The following PLEKHG1 variants were observed in gnomAD, a reference collection of about 807,000 sequenced individuals.
The protein encoded by PLEKHG1 is pleckstrin homology and RhoGEF domain containing G1.
PLEKHG1 carries 44 observed loss-of-function variants against 100.8 expected under a neutral mutation model. That is an observed-to-expected ratio of 0.44 (90% CI 0.34 to 0.56). PLEKHG1 has a LOEUF of 0.56. Among genes scored for constraint, PLEKHG1 ranks in the 20% least tolerant of loss-of-function variants. The probability of loss-of-function intolerance (pLI) is 0.01; values close to 1 mark genes in which losing one functional copy is unlikely to be tolerated. For synonymous variants in PLEKHG1, 640 were observed against 662.5 expected (o/e 0.97, Z 0.52); for missense variants, 1,545 against 1,720.9 (o/e 0.90, Z 1.81).
At chr6:150,736,206 C>T (rs1583028688) in intron 2 of PLEKHG1, among the ~76,000 whole-genome samples, 1 of 152,300 alleles carries the variant, frequency 6.6e-6, no homozygotes, top group South Asian at 2.1e-4. Flanking sequence ...TTTGACCCAA[C>T]GGCCACAGTT....
At chr6:150,808,419 G>T (rs1236695883) in intron 7 of PLEKHG1, among the ~76,000 whole-genome samples, 1 of 151,900 alleles carries the variant, frequency 6.6e-6, no homozygotes, top group Non-Finnish European at 1.5e-5. Flanking sequence ...AGCTCTGAAG[G>T]AGTTTTTTTT....
At chr6:150,826,989 C>A (rs1776646015) in intron 14 of PLEKHG1, among the ~76,000 whole-genome samples, 1 of 150,462 alleles carries the variant, frequency 6.6e-6, no homozygotes, top group Non-Finnish European at 1.5e-5. Context: ...CCTTTCCTTT[C>A]CCTTTCTTTC....
chr6:150,739,484 A>G (rs9322282), intron 2 of PLEKHG1, among the ~76,000 whole-genome samples: 79,793 of 151,622 alleles, frequency 0.53, 23,088 homozygotes, highest in Non-Finnish European at 0.65. Flanking sequence ...CCAGGCCAAC[A>G]TGGTGAAACT....
At chr6:150,680,007 G>A (rs1460702174) in intron 3 of PLEKHG1, among the ~76,000 whole-genome samples, 1 of 152,170 alleles carries the variant, frequency 6.6e-6, no homozygotes, top group Non-Finnish European at 1.5e-5. Context: ...AGGGGGCCAG[G>A]ATGGGAACAT....
At chr6:150,776,237 A>C (rs1034113858) in intron 3 of PLEKHG1, among the ~76,000 whole-genome samples, 12 of 152,266 alleles carry the variant, frequency 7.9e-5, no homozygotes, top group African/African-American at 2.4e-5. Flanking sequence ...AAAAGAAGAA[A>C]ATATTTAAAA....
At chr6:150,829,590 C>T (rs1431686096) in intron 14 of PLEKHG1, among the ~76,000 whole-genome samples, 1 of 152,140 alleles carries the variant, frequency 6.6e-6, no homozygotes, top group African/African-American at 2.4e-5. Flanking sequence ...GGGACCCAGG[C>T]TGCATTCCAG....
chr6:150,697,799 A>G (rs1780606148), intron 3 of PLEKHG1, among the ~76,000 whole-genome samples: 1 of 152,248 alleles, frequency 6.6e-6, no homozygotes, highest in Admixed American at 6.5e-5. Flanking sequence ...CAGCTTTCTT[A>G]CAGTGAGGAA....
At chr6:150,645,200 G>A (rs904912525) in intron 2 of PLEKHG1, among the ~76,000 whole-genome samples, 3 of 152,094 alleles carry the variant, frequency 2.0e-5, no homozygotes, top group Non-Finnish European at 1.5e-5. Flanking sequence ...ATGTAACAGA[G>A]GTGCATTGCA....
chr6:150,774,404 TTTTACTC>T (rs754872211), intron 3 of PLEKHG1, among the ~76,000 whole-genome samples: 3 of 152,086 alleles, frequency 2.0e-5, no homozygotes, highest in Non-Finnish European at 4.4e-5. Context: ...TAGCATATGA[TTTTACTC>T]TTTCTATTCA....
chr6:150,777,577 C>T (rs572411608), intron 3 of PLEKHG1, among the ~76,000 whole-genome samples: 20 of 148,102 alleles, frequency 1.4e-4, no homozygotes, highest in East Asian at 8.0e-4. Context: ...TGTACATGTG[C>T]GGTTGCACAT....
At chr6:150,645,354 G>A (rs763608581) in intron 2 of PLEKHG1, among the ~76,000 whole-genome samples, 7 of 152,130 alleles carry the variant, frequency 4.6e-5, no homozygotes, top group Non-Finnish European at 1.0e-4. Context: ...ATTACAAAGT[G>A]TTTAAAAGAA....
At chr6:150,674,684 C>CA (rs1562427910) in intron 3 of PLEKHG1, among the ~76,000 whole-genome samples, 7 of 73,360 alleles carry the variant, frequency 9.5e-5, no homozygotes, top group Non-Finnish European at 1.6e-4. Context: ...TCTCTCTCTC[C>CA]CCCCTCTTCT....
intron 2 of PLEKHG1, among the ~76,000 whole-genome samples, chr6:150,743,616 A>G (rs1452397979): frequency 1.3e-5 from 2 of 152,158 alleles, no homozygotes; most frequent in African/African-American, 4.8e-5. Context: ...AAATAACCTC[A>G]TAAAATGTTT....
At chr6:150,694,704 A>AT (rs952750752) in intron 3 of PLEKHG1, among the ~76,000 whole-genome samples, 1 of 151,638 alleles carries the variant, frequency 6.6e-6, no homozygotes, top group Admixed American at 6.6e-5. Context: ...TCTCAAAAAA[A>AT]AAAAAAATAA....
At chr6:150,639,827 A>G (rs1303513161) in intron 2 of PLEKHG1, among the ~76,000 whole-genome samples, 4 of 152,230 alleles carry the variant, frequency 2.6e-5, no homozygotes, top group African/African-American at 9.6e-5. Flanking sequence ...TGGACCAGGC[A>G]GGAATTATGG....
chr6:150,677,156 G>A lies in PLEKHG1; in HGVS notation c.-99+26370G>A, dbSNP rs149786176. On this transcript the variant is annotated intron_variant, in intron 3 of 3. Transcript: ENST00000367326. ...TCATTGAGAGTTGTCTTTTCAAAAT[G>A]CAGATCTGATTGATTATGGTACTCC... is the stretch of plus-strand genomic sequence containing the variant. Among the ~76,000 whole-genome samples, 83 of 152,238 alleles carry A rather than the reference G, an allele frequency of 5.5e-4. 3 individuals carry two copies. The East Asian group carries it at 0.014, about 25-fold the overall frequency.
chr6:150,676,009 A>AAT (rs77900892), intron 3 of PLEKHG1, among the ~76,000 whole-genome samples: 17,890 of 152,228 alleles, frequency 0.12, 1,249 homozygotes, highest in African/African-American at 0.19. Context: ...CAAGCCATAT[A>AAT]ATATATCACA....
intron 3 of PLEKHG1, among the ~76,000 whole-genome samples, chr6:150,714,094 ATG>A (rs1332095818): frequency 1.3e-5 from 2 of 152,130 alleles, no homozygotes; most frequent in African/African-American, 4.8e-5. Context: ...AATGGATTAG[ATG>A]TGTGTTATCT....
intron 2 of PLEKHG1, among the ~76,000 whole-genome samples, chr6:150,747,786 C>T (rs1583048734): frequency 6.6e-6 from 1 of 151,898 alleles, no homozygotes; most frequent in East Asian, 1.9e-4. Context: ...ATGCCAGCTA[C>T]TCGGGAGGCT....
Sources: gnomAD v4.1 joint callset for allele counts (sites outside exome capture counted in the v4.1 genomes callset) on GRCh38, gnomAD v4.1.1 for gene constraint, MANE v1.5 for transcripts, NCBI Gene and HGNC (gene_info 2026-07-23, HGNC 2026-07-21) for gene names.